The following FCHSD2 variants were observed in gnomAD, a reference collection of about 807,000 sequenced individuals.
FCHSD2 encodes F-BAR and double SH3 domains protein 2.
FCHSD2 carries 38 observed loss-of-function variants against 108.1 expected under a neutral mutation model. The ratio of observed to expected loss-of-function variants is 0.35; its 90% CI spans 0.27 to 0.46. The LOEUF (loss-of-function observed/expected upper bound fraction) is 0.46, where lower values mean the gene tolerates loss of function less well. FCHSD2 is among the 20% of genes least tolerant of loss of function. The pLI, the probability that FCHSD2 is intolerant of heterozygous loss-of-function variation, is 1.00. For synonymous variants in FCHSD2, 279 were observed against 314.7 expected (o/e 0.89, Z 1.20); for missense variants, 751 against 897.8 (o/e 0.84, Z 2.09).
chr11:72,945,552 A>G (rs1856502817), intron 8 of FCHSD2, among the ~76,000 whole-genome samples: 1 of 152,236 alleles, frequency 6.6e-6, no homozygotes, highest in Non-Finnish European at 1.5e-5. Flanking sequence ...GACAAATGGG[A>G]TCTAATTAAA....
rs145985107 is a variant in FCHSD2 at position 72,921,552 on chromosome 11, G to A, written c.828+276C>T. Among the ~76,000 whole-genome samples, 398 of 152,294 alleles carry A rather than the reference G, an allele frequency of 2.6e-3. 3 individuals are homozygous for A. Among genetic ancestry groups the A allele is most frequent in the Non-Finnish European group, 4.6e-3 (316 of 68,028 alleles). On this transcript the variant is annotated intron_variant, in intron 9 of 19. Coordinates refer to ENST00000409418, the MANE Select transcript of FCHSD2 (RefSeq NM_014824.3). The stretch of plus-strand genomic sequence containing the variant: ...TAAACTCTGAGTAGAATACAAAACT[G>A]TTTAAACCCTTCTCAAAGGCAATGC...
intron 8 of FCHSD2, among the ~76,000 whole-genome samples, chr11:72,974,057 C>CA (rs1438967738): frequency 2.4e-5 from 3 of 123,666 alleles, no homozygotes; most frequent in Non-Finnish European, 4.7e-5. Context: ...GAGTTGATAA[C>CA]AGACAGGTAA....
At chr11:72,892,266 T>A (rs745341664) in intron 10 of FCHSD2, among the ~76,000 whole-genome samples, 1 of 152,206 alleles carries the variant, frequency 6.6e-6, no homozygotes, top group Non-Finnish European at 1.5e-5. Flanking sequence ...TTTTCCCTTA[T>A]TTTTTATGTG....
At chr11:73,130,876 CT>C (rs1364640986) in intron 2 of FCHSD2, among the ~76,000 whole-genome samples, 2 of 151,990 alleles carry the variant, frequency 1.3e-5, no homozygotes, top group Non-Finnish European at 2.9e-5. Context: ...TTTTTTCCCT[CT>C]CTTAAAGAAA....
intron 3 of FCHSD2, among the ~76,000 whole-genome samples, chr11:73,029,112 A>G (rs1858299001): frequency 6.6e-6 from 1 of 152,214 alleles, no homozygotes; most frequent in African/African-American, 2.4e-5. Flanking sequence ...GGTGTAGTAC[A>G]CTAAAAACGA....
intron 3 of FCHSD2, among the ~76,000 whole-genome samples, chr11:73,027,890 A>T (rs1191320105): frequency 1.3e-5 from 2 of 152,230 alleles, no homozygotes; most frequent in Non-Finnish European, 2.9e-5. Context: ...CAAGCCCCAA[A>T]CCTTGGTGGC....
chr11:72,898,074 T>C (rs7943424), intron 10 of FCHSD2, among the ~76,000 whole-genome samples: 76,215 of 151,958 alleles, frequency 0.5, 20,007 homozygotes, highest in South Asian at 0.68. Flanking sequence ...AAGCTTGCCA[T>C]TGGTCACTGT....
At chr11:73,118,831 T>C (rs1860665135) in intron 2 of FCHSD2, among the ~76,000 whole-genome samples, 1 of 152,098 alleles carries the variant, frequency 6.6e-6, no homozygotes, top group South Asian at 2.1e-4. Context: ...ATGAGAAAAT[T>C]GAAGCACATA....
Position 72,915,610 on chromosome 11 carries a change from G to C in FCHSD2, c.828+6218C>G, listed in dbSNP as rs146465744. 4.8e-3 allele frequency among the ~76,000 whole-genome samples: 732 copies of C among 152,188 alleles called. 4 individuals are homozygous for C. Among genetic ancestry groups the C allele is most frequent in the African/African-American group, 0.017 (711 of 41,526 alleles). Reference sequence around the variant, plus strand: ...AAGGTGGGTGGATCACCTGAGGTCAGGAGTTCAAAACCAGCCTGGCCAACA... The same window carrying C: ...AAGGTGGGTGGATCACCTGAGGTCACGAGTTCAAAACCAGCCTGGCCAACA... On this transcript the variant is annotated intron_variant, in intron 9 of 19. Coordinates refer to ENST00000409418, the MANE Select transcript of FCHSD2 (RefSeq NM_014824.3).
At chr11:73,037,565 C>G (rs1026285768) in intron 3 of FCHSD2, among the ~76,000 whole-genome samples, 4 of 152,150 alleles carry the variant, frequency 2.6e-5, no homozygotes, top group Non-Finnish European at 5.9e-5. Context: ...CATTCTTTCT[C>G]CATATCCACA....
At chr11:73,057,957 G>A (rs945185150) in intron 3 of FCHSD2, among the ~76,000 whole-genome samples, 2 of 150,810 alleles carry the variant, frequency 1.3e-5, no homozygotes, top group South Asian at 2.1e-4. Flanking sequence ...TTGGCTCACT[G>A]CAAGCTCCGC....
Position 72,841,512 on chromosome 11 carries a change from G to A in FCHSD2, c.1998C>T (p.Pro666=). ...LPLYDQPPSS[P]YPSPDKRSSL... Reference sequence around the variant, plus strand: ...AGCTCCTCTTATCTGGGCTGGGGTAGGGGCTGCTGGGAGGCTGGTCGTACA... The same window carrying A: ...AGCTCCTCTTATCTGGGCTGGGGTAAGGGCTGCTGGGAGGCTGGTCGTACA... Residue 666 remains proline (P), a synonymous_variant, in exon 18 of 20, where the codon CCC becomes CCT. Transcript: ENST00000409418. 1 of 1,611,236 alleles carries A rather than the reference G, an allele frequency of 6.2e-7. No individual in the cohort carries two copies. The highest frequency in any genetic ancestry group is 8.5e-7 in the Non-Finnish European group (1 of 1,178,840).
chr11:72,907,890 G>A (rs1855667719), intron 9 of FCHSD2, among the ~76,000 whole-genome samples: 1 of 152,094 alleles, frequency 6.6e-6, no homozygotes, highest in South Asian at 2.1e-4. Flanking sequence ...ACCATGCCTG[G>A]CTGGTTTTGT....
intron 2 of FCHSD2, among the ~76,000 whole-genome samples, chr11:73,136,351 A>G (rs1167748358): frequency 6.6e-6 from 1 of 152,026 alleles, no homozygotes. Flanking sequence ...GCTTGAACCC[A>G]AAGTTCAAGA....
intron 5 of FCHSD2, among the ~76,000 whole-genome samples, chr11:72,991,034 C>A (rs1432730663): frequency 6.6e-6 from 1 of 152,074 alleles, no homozygotes; most frequent in African/African-American, 2.4e-5. Context: ...GGGGATATCA[C>A]CACCAATCCC....
intron 13 of FCHSD2, among the ~76,000 whole-genome samples, chr11:72,862,653 T>C (rs751163237): frequency 6.6e-6 from 1 of 152,228 alleles, no homozygotes; most frequent in Non-Finnish European, 1.5e-5. Flanking sequence ...GGCAATGTTA[T>C]CTTCCAGTTG....
chr11:72,920,542 C>T (rs1855958532), intron 9 of FCHSD2, among the ~76,000 whole-genome samples: 1 of 152,128 alleles, frequency 6.6e-6, no homozygotes, highest in African/African-American at 2.4e-5. Flanking sequence ...GACTTCAAGA[C>T]CAGCCTGATC....
chr11:72,849,057 C>T (rs1861218942), intron 14 of FCHSD2, among the ~76,000 whole-genome samples: 1 of 152,184 alleles, frequency 6.6e-6, no homozygotes, highest in Admixed American at 6.5e-5. Context: ...AACACTGCCA[C>T]CTTTTGGCTA....
intron 2 of FCHSD2, among the ~76,000 whole-genome samples, chr11:73,134,692 T>C (rs777918896): frequency 1.6e-4 from 25 of 152,272 alleles, no homozygotes; most frequent in Admixed American, 2.6e-4. Flanking sequence ...TTCTCTGGGA[T>C]AAAGTTTTTT....
Sources: allele counts gnomAD v4.1 joint callset (sites outside exome capture counted in the v4.1 genomes callset), GRCh38; gene constraint gnomAD v4.1.1; transcripts MANE v1.5; gene names NCBI Gene and HGNC (gene_info 2026-07-23, HGNC 2026-07-21).